Variants in HEMK2 observed in about 807,000 individuals in gnomAD.
HEMK2 encodes the protein HemK methyltransferase 2, ETF1 glutamine and histone H4 lysine.
At chr21:28,885,344 A>T in the HEMK2 span, 102 of 1,565,882 alleles carry the variant, frequency 6.5e-5, no homozygotes, top group Non-Finnish European at 8.5e-5. Context: ...CTCCCCTGCC[A>T]TAGTCCTTCG....
At chr21:28,591,558 T>C in the HEMK2 span, among the ~76,000 whole-genome samples, 1 of 152,214 alleles carries the variant, frequency 6.6e-6, no homozygotes, top group Non-Finnish European at 1.5e-5. Context: ...TTTTATTAAC[T>C]CTTATTTTAA....
At chr21:28,618,141 C>T in the HEMK2 span, among the ~76,000 whole-genome samples, 1 of 152,134 alleles carries the variant, frequency 6.6e-6, no homozygotes, top group Non-Finnish European at 1.5e-5. Context: ...CAAGAGCTAT[C>T]AAAATTAGGA....
the HEMK2 span, among the ~76,000 whole-genome samples, chr21:28,579,646 A>G: frequency 1.0e-3 from 155 of 152,332 alleles, 2 homozygotes; most frequent in East Asian, 7.7e-3. Context: ...ATCATAATAC[A>G]AATAGAATGG....
At chr21:28,746,088 A>G in the HEMK2 span, among the ~76,000 whole-genome samples, 1 of 152,244 alleles carries the variant, frequency 6.6e-6, no homozygotes, top group Non-Finnish European at 1.5e-5. Flanking sequence ...AATAGCTAAC[A>G]CCATATATAA....
chr21:28,612,398 A>C, the HEMK2 span, among the ~76,000 whole-genome samples: 5 of 152,190 alleles, frequency 3.3e-5, no homozygotes. Flanking sequence ...TATGATTAAA[A>C]CTTTCAGCAA....
the HEMK2 span, among the ~76,000 whole-genome samples, chr21:28,585,121 C>T: frequency 6.6e-6 from 1 of 152,076 alleles, no homozygotes; most frequent in African/African-American, 2.4e-5. Context: ...CACCTGAGGT[C>T]AGGAGTTCAA....
At chr21:28,636,168 G>A in the HEMK2 span, among the ~76,000 whole-genome samples, 24 of 152,128 alleles carry the variant, frequency 1.6e-4, no homozygotes, top group South Asian at 1.0e-3. Context: ...AGTATCTTCA[G>A]TACAAGGAAA....
the HEMK2 span, among the ~76,000 whole-genome samples, chr21:28,576,989 G>A: frequency 2.6e-5 from 4 of 152,188 alleles, no homozygotes; most frequent in East Asian, 7.7e-4. Context: ...GGGATTACAG[G>A]CGTGAGCCAC....
At chr21:28,823,605 C>T in the HEMK2 span, among the ~76,000 whole-genome samples, 1 of 152,076 alleles carries the variant, frequency 6.6e-6, no homozygotes, top group Non-Finnish European at 1.5e-5. Flanking sequence ...GGGGCATTTT[C>T]CAACTGGGTA....
At chr21:28,688,593 A>G in the HEMK2 span, among the ~76,000 whole-genome samples, 2 of 151,928 alleles carry the variant, frequency 1.3e-5, no homozygotes, top group Admixed American at 1.3e-4. Flanking sequence ...GTTCTCAATA[A>G]ATGTTGTTGA....
chr21:28,735,251 T>C, the HEMK2 span, among the ~76,000 whole-genome samples: 2 of 152,164 alleles, frequency 1.3e-5, no homozygotes, highest in African/African-American at 4.8e-5. Flanking sequence ...TCTAGTACAA[T>C]AGGACTGGGT....
the HEMK2 span, among the ~76,000 whole-genome samples, chr21:28,663,372 T>A: frequency 6.6e-6 from 1 of 152,284 alleles, no homozygotes; most frequent in East Asian, 1.9e-4. Context: ...ATGCCAGAAA[T>A]CTGGATTTTT....
At chr21:28,855,562 T>C in the HEMK2 span, among the ~76,000 whole-genome samples, 2 of 152,188 alleles carry the variant, frequency 1.3e-5, no homozygotes, top group Non-Finnish European at 2.9e-5. Flanking sequence ...AGAATATACA[T>C]TCTTCTCATT....
chr21:28,812,338 A>C, the HEMK2 span, among the ~76,000 whole-genome samples: 4 of 152,150 alleles, frequency 2.6e-5, no homozygotes, highest in Non-Finnish European at 5.9e-5. Context: ...GTTTATTGAA[A>C]GTTTTTAGCA....
At chr21:28,667,375 T>C in the HEMK2 span, among the ~76,000 whole-genome samples, 1 of 152,050 alleles carries the variant, frequency 6.6e-6, no homozygotes, top group Non-Finnish European at 1.5e-5. Flanking sequence ...AATTAGAATA[T>C]GGGAAAAAAG....
chr21:28,850,804 G>C, the HEMK2 span, among the ~76,000 whole-genome samples: 3 of 152,120 alleles, frequency 2.0e-5, no homozygotes, highest in Admixed American at 1.3e-4. Flanking sequence ...TTACTAAGGG[G>C]AGTTTATTAA....
the HEMK2 span, among the ~76,000 whole-genome samples, chr21:28,636,690 T>C: frequency 6.6e-6 from 1 of 152,164 alleles, no homozygotes; most frequent in African/African-American, 2.4e-5. Flanking sequence ...AAATCAATAT[T>C]GCAATGAAGA....
the HEMK2 span, among the ~76,000 whole-genome samples, chr21:28,613,331 C>T: frequency 6.6e-6 from 1 of 152,002 alleles, no homozygotes; most frequent in Non-Finnish European, 1.5e-5. Flanking sequence ...TCTATATTTG[C>T]TGATACCTCC....
chr21:28,764,566 A>G, the HEMK2 span, among the ~76,000 whole-genome samples: 2 of 152,168 alleles, frequency 1.3e-5, no homozygotes, highest in African/African-American at 4.8e-5. Context: ...CCTATAAAAG[A>G]TAAAGAAGCA....
Sources: gnomAD v4.1 joint callset for allele counts (sites outside exome capture counted in the v4.1 genomes callset) on GRCh38, gnomAD v4.1.1 for gene constraint, MANE v1.5 for transcripts, NCBI Gene and HGNC (gene_info 2026-07-23, HGNC 2026-07-21) for gene names.